Variants in SYT16 observed in about 807,000 individuals in gnomAD.
SYT16 encodes synaptotagmin 16.
A neutral mutation model predicts 61.4 loss-of-function variants in SYT16; 42 were observed. The ratio of observed to expected loss-of-function variants is 0.68; its 90% CI spans 0.53 to 0.89. The LOEUF is 0.89. SYT16 is among the 40% of genes least tolerant of loss of function. SYT16 has a pLI of 0.00. For missense variants in SYT16, 804 were observed against 807.3 expected (o/e 1.00, Z 0.05); for synonymous variants, 314 against 302.3 (o/e 1.04, Z -0.40).
rs1343838205 is a variant in SYT16 at position 62,101,190 on chromosome 14, A to G, written c.*483A>G. The G allele has an allele frequency of 2.0e-5, 3 of 153,000 alleles. No individual in the cohort carries two copies. Among genetic ancestry groups the G allele is most frequent in the African/African-American group, 7.2e-5 (3 of 41,484 alleles). The allele number at this position is 153,000 out of a possible 1,614,324, so 9.5% of individuals were successfully genotyped here. On this transcript the variant is annotated 3_prime_UTR_variant, in exon 8 of 8. Coordinates refer to ENST00000683842, the MANE Select transcript of SYT16 (RefSeq NM_001367656.1). ...TCATAAAAGAATCAAACTCTAATCC[A>G]TAAACTCTTATTTCACATTTTTCTC...
At chr14:62,046,530 T>C (rs1421568932) in intron 3 of SYT16, among the ~76,000 whole-genome samples, 1 of 152,220 alleles carries the variant, frequency 6.6e-6, no homozygotes, top group African/African-American at 2.4e-5. Flanking sequence ...TCCTTGCCCA[T>C]GCCTATGTCC....
chr14:62,027,451 A>G (rs927195095), intron 3 of SYT16, among the ~76,000 whole-genome samples: 1 of 152,230 alleles, frequency 6.6e-6, no homozygotes, highest in Non-Finnish European at 1.5e-5. Context: ...AGGGATGGGT[A>G]TAAGCAAAGC....
intron 3 of SYT16, among the ~76,000 whole-genome samples, chr14:62,035,902 G>A (rs2054488446): frequency 6.6e-6 from 1 of 152,150 alleles, no homozygotes; most frequent in African/African-American, 2.4e-5. Context: ...GTAGGATGGG[G>A]CTAATTAATT....
intron 3 of SYT16, among the ~76,000 whole-genome samples, chr14:62,026,109 C>T (rs933181058): frequency 3.3e-5 from 5 of 151,998 alleles, no homozygotes; most frequent in African/African-American, 1.2e-4. Context: ...GTATCTGAGC[C>T]CTCAAAGTTT....
At chr14:62,023,814 G>A (rs1595182792) in intron 3 of SYT16, among the ~76,000 whole-genome samples, 1 of 152,224 alleles carries the variant, frequency 6.6e-6, no homozygotes, top group African/African-American at 2.4e-5. Context: ...TTTTAATCGT[G>A]TAGTCTTGCT....
chr14:61,986,166 AT>A (rs1304737340), intron 2 of SYT16, among the ~76,000 whole-genome samples: 1 of 152,142 alleles, frequency 6.6e-6, no homozygotes, highest in African/African-American at 2.4e-5. Context: ...TGAAAAAAAA[AT>A]AAAAGTAATT....
At chr14:62,100,354 T>C in intron 7 of SYT16, 40 bp from the exon 8 acceptor site, 1 of 1,502,458 alleles carries the variant, frequency 6.7e-7, no homozygotes, top group South Asian at 1.4e-5. Flanking sequence ...GCACTAATGT[T>C]TCTTATCATC....
chr14:62,055,978 G>A (rs1042233673), intron 3 of SYT16, among the ~76,000 whole-genome samples: 15 of 151,918 alleles, frequency 9.9e-5, no homozygotes, highest in Middle Eastern at 7.0e-3. Flanking sequence ...ACGTTCAAGG[G>A]AAGGAAGCAT....
chr14:62,050,118 A>G (rs542137700), intron 3 of SYT16, among the ~76,000 whole-genome samples: 2 of 152,298 alleles, frequency 1.3e-5, no homozygotes, highest in Non-Finnish European at 2.9e-5. Flanking sequence ...CCAGTCAGAC[A>G]TAGATTTGGT....
Position 61,928,338 on chromosome 14 carries a change from CTGTT to C in SYT16, c.-324-41791_-324-41788del, listed in dbSNP as rs531848885. 1.7e-3 allele frequency among the ~76,000 whole-genome samples: 253 copies of C among 152,310 alleles called. 1 individual carries two copies. Among genetic ancestry groups the C allele is most frequent in the Non-Finnish European group, 2.6e-3 (177 of 68,022 alleles). On this transcript the variant is annotated intron_variant, in intron 1 of 7. Transcript: ENST00000683842. ...CTTAAAGAAAGTAGGTGCTAGAAAT[CTGTT>C]TGCTGAGGAACAATTGGCAGGAAAA...
chr14:62,015,074 AC>A, intron 3 of SYT16, among the ~76,000 whole-genome samples: 1 of 152,330 alleles, frequency 6.6e-6, no homozygotes, highest in Middle Eastern at 3.4e-3. Context: ...TGCATTCTGC[AC>A]ATTCCCTCTC....
At position 62,075,041 on chromosome 14, in the gene SYT16, A is replaced by C; in HGVS notation, c.737-94A>C. On this transcript the variant is annotated intron_variant, in intron 4 of 7. Coordinates refer to ENST00000683842, the MANE Select transcript of SYT16 (RefSeq NM_001367656.1). ...TATTGGTATGGGTTCTGTTTCTGCA[A>C]TCTTGATTGTTGTGACTGCAATTAC... The C allele has an allele frequency of 5.8e-6, 8 of 1,375,434 alleles. No homozygotes were observed. In the South Asian group the frequency reaches 9.9e-5, roughly 17 times the overall value. 85.2% of individuals were successfully genotyped at this position (1,375,434 alleles called of 1,614,324 possible).
chr14:61,907,261 T>A (rs1341907105), intron 1 of SYT16, among the ~76,000 whole-genome samples: 1 of 152,260 alleles, frequency 6.6e-6, no homozygotes, highest in African/African-American at 2.4e-5. Flanking sequence ...GTAAAACATC[T>A]GCTTGTGTTT....
intron 1 of SYT16, among the ~76,000 whole-genome samples, chr14:61,862,053 A>T (rs1371994876): frequency 6.6e-6 from 1 of 152,266 alleles, no homozygotes; most frequent in African/African-American, 2.4e-5. Flanking sequence ...TCTGCAAATC[A>T]CAATAAAATG....
At chr14:61,906,809 C>CCATG (rs1331915698) in intron 1 of SYT16, among the ~76,000 whole-genome samples, 13 of 151,924 alleles carry the variant, frequency 8.6e-5, no homozygotes, top group African/African-American at 2.9e-4. Flanking sequence ...ATCCATCCAT[C>CCATG]CATCCATCCA....
At chr14:61,834,456 A>T (rs2046059919) in intron 1 of SYT16, among the ~76,000 whole-genome samples, 1 of 93,868 alleles carries the variant, frequency 1.1e-5, no homozygotes, top group African/African-American at 5.4e-5. Context: ...TTTTTTTGAG[A>T]CAGAGTCTTG....
At chr14:61,986,340 A>G (rs564123360) in intron 2 of SYT16, among the ~76,000 whole-genome samples, 3 of 151,830 alleles carry the variant, frequency 2.0e-5, no homozygotes, top group Non-Finnish European at 4.4e-5. Flanking sequence ...TACAATTTAT[A>G]GACATTCTCA....
At chr14:62,075,091 T>C in intron 4 of SYT16, 44 bp from the exon 5 acceptor site, 1 of 1,551,854 alleles carries the variant, frequency 6.4e-7, no homozygotes, top group South Asian at 1.2e-5. Context: ...TAAAAAGGTG[T>C]TAAAAATAAT....
At chr14:61,814,111 C>T (rs2045353022) in intron 1 of SYT16, among the ~76,000 whole-genome samples, 1 of 152,178 alleles carries the variant, frequency 6.6e-6, no homozygotes, top group East Asian at 1.9e-4. Context: ...GTTGTCCTCT[C>T]CCTGCTGTTT....
Sources: gnomAD v4.1 joint callset for allele counts (sites outside exome capture counted in the v4.1 genomes callset) on GRCh38, gnomAD v4.1.1 for gene constraint, MANE v1.5 for transcripts, NCBI Gene and HGNC (gene_info 2026-07-23, HGNC 2026-07-21) for gene names.